The following ATP13A3 variants were observed in gnomAD, a reference collection of about 807,000 sequenced individuals.
ATP13A3 encodes the protein ATPase 13A3.
In ATP13A3, 59 loss-of-function variants were observed where a neutral mutation model predicts 158.1. The observed-to-expected ratio is 0.37, with a 90% CI of 0.30 to 0.46. The LOEUF is 0.46. Ranked by LOEUF, ATP13A3 falls within the 20% of genes least tolerant of loss-of-function variation. ATP13A3 has a pLI of 1.00. For missense variants in ATP13A3, 1,166 were observed against 1,525.2 expected (o/e 0.76, Z 3.92); for synonymous variants, 491 against 504.3 (o/e 0.97, Z 0.35).
intron 21 of ATP13A3, among the ~76,000 whole-genome samples, chr3:194,433,433 CG>C (rs1272101774): frequency 6.6e-6 from 1 of 151,810 alleles, no homozygotes; most frequent in African/African-American, 2.4e-5. Context: ...TTAGTAGAGA[CG>C]GGGTTTCACC....
At chr3:194,475,011 AG>A (rs146137576) in intron 2 of ATP13A3, among the ~76,000 whole-genome samples, 3,039 of 152,342 alleles carry the variant, frequency 0.02, 145 homozygotes, top group Admixed American at 0.12. Context: ...CGTTCTGCAT[AG>A]AAAGATACTG....
At chr3:194,429,850 GACAGA>G in intron 26 of ATP13A3, 76 bp from the exon 27 acceptor site, 8 of 1,310,276 alleles carry the variant, frequency 6.1e-6, no homozygotes, top group Non-Finnish European at 7.6e-6. Context: ...ATTTTATCTT[GACAGA>G]TGAACATCAA....
chr3:194,414,371 G>A (rs895541467), intron 31 of ATP13A3, among the ~76,000 whole-genome samples: 9 of 151,384 alleles, frequency 5.9e-5, no homozygotes, highest in South Asian at 2.1e-4. Context: ...GCTGAGCCAC[G>A]AGAATCACTT....
Position 194,447,017 on chromosome 3 carries a change from A to G in ATP13A3, c.1407T>C (p.Ala469=). 2 of 1,613,774 alleles carry G rather than the reference A, an allele frequency of 1.2e-6. No individual in the cohort carries two copies. Among genetic ancestry groups the G allele is most frequent in the Non-Finnish European group, 1.7e-6 (2 of 1,179,786 alleles). Residue 469 remains alanine, a synonymous_variant, in exon 14 of 34, where the codon GCT becomes GCC. Coordinates refer to ENST00000645319, the MANE Select transcript of ATP13A3 (RefSeq NM_001367549.1). ...PAAMTAGIVY[A]QRRLKKIGIF... is the part of the protein sequence containing the mutation. ...TACCGATTTTTTTCAGTCTTCTCTG[A>G]GCATACACAATACCAGCAGTCATTG...
intron 13 of ATP13A3, among the ~76,000 whole-genome samples, chr3:194,447,439 T>C (rs1042991480): frequency 1.3e-5 from 2 of 152,174 alleles, no homozygotes; most frequent in Non-Finnish European, 2.9e-5. Flanking sequence ...TGCACACACC[T>C]TACTGTACCA....
intron 17 of ATP13A3, among the ~76,000 whole-genome samples, chr3:194,438,147 G>A (rs1030702016): frequency 1.4e-4 from 22 of 152,084 alleles, no homozygotes; most frequent in African/African-American, 4.6e-4. Context: ...GTGACAGAGC[G>A]AGACTCCAGC....
Position 194,448,065 on chromosome 3 carries a change from C to T in ATP13A3, c.1151-56G>A. ...TTTTATAAGAAAATGAGAATTATCTCCCAAAACAGAATCTCTCTTTTTTTT... is the reference window on the plus strand; with the variant it reads ...TTTTATAAGAAAATGAGAATTATCTTCCAAAACAGAATCTCTCTTTTTTTT... On this transcript the variant is annotated intron_variant, in intron 12 of 33. Coordinates refer to ENST00000645319, the MANE Select transcript of ATP13A3 (RefSeq NM_001367549.1). This position sits in a 1 kb window ranked among gnomAD's most constrained non-coding sequence, Gnocchi z 4.0. 2 of 1,463,700 alleles carry T rather than the reference C, an allele frequency of 1.4e-6. No individual in the cohort carries two copies. The highest frequency in any genetic ancestry group is 2.3e-5 in the East Asian group (1 of 44,028). The allele number at this position is 1,463,700 out of a possible 1,614,324, so 90.7% of individuals were successfully genotyped here.
chr3:194,432,759 T>C (rs1236290595), intron 21 of ATP13A3, among the ~76,000 whole-genome samples: 1 of 152,124 alleles, frequency 6.6e-6, no homozygotes, highest in Non-Finnish European at 1.5e-5. Context: ...ACTTTCTCCA[T>C]ATTAGTCTTA....
At chr3:194,458,291 C>A (rs1165696840) in intron 6 of ATP13A3, among the ~76,000 whole-genome samples, 1 of 151,624 alleles carries the variant, frequency 6.6e-6, no homozygotes, top group Non-Finnish European at 1.5e-5. Context: ...CATTTCTTCC[C>A]ACTGAATTTG....
chr3:194,429,419 A>AC (rs1294857752), intron 27 of ATP13A3, among the ~76,000 whole-genome samples: 7 of 152,210 alleles, frequency 4.6e-5, no homozygotes, highest in Non-Finnish European at 8.8e-5. Flanking sequence ...CTGATAGGGT[A>AC]CCTGTGGCCA....
rs777647767 is a variant in ATP13A3 at position 194,412,322 on chromosome 3, ATGAC to A, written c.3484-38_3484-35del. 3.4e-6 allele frequency: 5 copies of A among 1,473,506 alleles called. No homozygotes were observed. The South Asian group carries it at 3.6e-5, about 11-fold the overall frequency. 91.3% of individuals were successfully genotyped at this position (1,473,506 alleles called of 1,614,324 possible). A position where few individuals can be genotyped will look rare whatever the true frequency, so the allele number is the denominator to read the frequency against. On this transcript the variant is annotated intron_variant, in intron 32 of 33. Transcript: ENST00000645319. ...TATTCCAGTGAGTTAAGAATTAATA[ATGAC>A]TAAGTCATTTTTTATTAATGTGCAC...
Position 194,404,365 on chromosome 3 carries a change from C to CCTG in ATP13A3, c.*1553_*1554insCAG. The CCTG allele has an allele frequency of 4.4e-6, 1 of 226,712 alleles. No individual in the cohort carries two copies. Among genetic ancestry groups the CCTG allele is most frequent in the African/African-American group, 2.4e-5 (1 of 42,220 alleles). The allele number at this position is 226,712 out of a possible 1,614,324, so 14.0% of individuals were successfully genotyped here. ...TATAGTTACCAAACATCATCCAGGTCTTTGCAGCATAAAGAGTGAGAACCA... is the reference window on the plus strand; with the variant it reads ...TATAGTTACCAAACATCATCCAGGTCCTGTTTGCAGCATAAAGAGTGAGAACCA... On this transcript the variant is annotated 3_prime_UTR_variant, in exon 34 of 34. Transcript: ENST00000645319.
chr3:194,421,112 G>GTATATATATATATATATA (rs1491202894), intron 30 of ATP13A3, among the ~76,000 whole-genome samples: 1 of 6,208 alleles, frequency 1.6e-4, no homozygotes, highest in African/African-American at 1.2e-3. Flanking sequence ...AGTGTGTAGG[G>GTATATATATATATATATA]TGTATATATA....
chr3:194,458,641 G>A (rs1002612369), intron 6 of ATP13A3, among the ~76,000 whole-genome samples: 1 of 152,122 alleles, frequency 6.6e-6, no homozygotes, highest in Non-Finnish European at 1.5e-5. Flanking sequence ...GCCCGCCTTG[G>A]CCTCTTAAAA....
chr3:194,454,362 A>G lies in ATP13A3; in HGVS notation c.661T>C (p.Phe221Leu), dbSNP rs1443192986. 2 of 1,610,952 alleles carry G rather than the reference A, an allele frequency of 1.2e-6. No individual in the cohort carries two copies. Among genetic ancestry groups the G allele is most frequent in the Non-Finnish European group, 1.7e-6 (2 of 1,177,504 alleles). ...TCAGTGCTCCACAGTATAACACTGA[A>G]CAGCTGGAAAATGTAAAATGGGTTG... ...VLNPFYIFQLFSVILWSTDEY... is the reference protein window; with the variant it reads ...VLNPFYIFQLLSVILWSTDEY... The change falls in exon 9 of 34, where the codon TTC becomes CTC. Residue 221 changes from phenylalanine (F) to leucine (L), a missense_variant. By Grantham distance (22) the Phe-to-Leu change is conservative (BLOSUM62 0). Transcript: ENST00000645319.
chr3:194,440,488 C>G (rs557358771), intron 16 of ATP13A3, among the ~76,000 whole-genome samples: 1 of 152,300 alleles, frequency 6.6e-6, no homozygotes, highest in African/African-American at 2.4e-5. Flanking sequence ...AAGACCCCAC[C>G]AGACACAGAG....
chr3:194,454,690 A>C (rs570489577), intron 8 of ATP13A3, among the ~76,000 whole-genome samples: 1 of 152,110 alleles, frequency 6.6e-6, no homozygotes, highest in Non-Finnish European at 1.5e-5. Flanking sequence ...TTAGCTGGGC[A>C]TGGTGGCAGG....
intron 2 of ATP13A3, among the ~76,000 whole-genome samples, chr3:194,476,726 T>C (rs1425399950): frequency 6.6e-6 from 1 of 151,952 alleles, no homozygotes; most frequent in Non-Finnish European, 1.5e-5. Context: ...GTAGTAGCAA[T>C]TCCCAAACTG....
Position 194,447,045 on chromosome 3 carries a change from G to A in ATP13A3, c.1379C>T (p.Ala460Val). ...ITITVPPALP[A>V]AMTAGIVYAQ... ...ATACACAATACCAGCAGTCATTGCA[G>A]CAGGAAGTGCAGGGGGCACAGTAAT... The change falls in exon 14 of 34, where the codon GCT (alanine) becomes GTT (valine). Residue 460 changes from alanine (A) to valine (V), a missense_variant. Transcript: ENST00000645319. 1.2e-6 allele frequency: 2 copies of A among 1,613,412 alleles called. No homozygotes were observed. The highest frequency in any genetic ancestry group is 1.7e-6 in the Non-Finnish European group (2 of 1,179,762).
Sources: allele counts gnomAD v4.1 joint callset (sites outside exome capture counted in the v4.1 genomes callset), GRCh38; gene constraint gnomAD v4.1.1; non-coding constraint Gnocchi (gnomAD v3.1); transcripts MANE v1.5; gene names NCBI Gene and HGNC (gene_info 2026-07-23, HGNC 2026-07-21).